Variants in DPP8 observed in about 807,000 individuals in gnomAD.
The protein encoded by DPP8 is DPP VIII.
A neutral mutation model predicts 107.5 loss-of-function variants in DPP8; 31 were observed. That is an observed-to-expected ratio of 0.29 (90% confidence interval 0.22 to 0.39). The LOEUF (loss-of-function observed/expected upper bound fraction) is 0.39, where lower values mean the gene tolerates loss of function less well. Among genes scored for constraint, DPP8 ranks in the 10% least tolerant of loss-of-function variants. The pLI is 1.00. For synonymous variants in DPP8, 381 were observed against 356.6 expected, an observed-to-expected ratio of 1.07 and a Z score of -0.77; for missense variants, 842 against 1,076.1, an observed-to-expected ratio of 0.78 and a Z score of 3.04.
chr15:65,482,938 T>C (rs1217733263), intron 8 of DPP8, among the ~76,000 whole-genome samples: 3 of 150,900 alleles, frequency 2.0e-5, no homozygotes, highest in Non-Finnish European at 4.4e-5. Flanking sequence ...CTACTAAAAA[T>C]ATAAAAAAAT....
At chr15:65,463,991 G>T in intron 14 of DPP8, 85 bp from the exon 15 acceptor site, 1 of 1,076,498 alleles carries the variant, frequency 9.3e-7, no homozygotes, top group Non-Finnish European at 1.3e-6. Context: ...GATATTAAAA[G>T]TCAGCCCCGC....
chr15:65,461,576 T>C (rs929329839), intron 15 of DPP8, among the ~76,000 whole-genome samples: 8 of 151,640 alleles, frequency 5.3e-5, no homozygotes, highest in African/African-American at 1.9e-4. Context: ...GAGTGTCCTA[T>C]GATTTTTCTC....
At chr15:65,480,543 C>A in intron 9 of DPP8, 144 bp from the exon 10 acceptor site, 1 of 526,856 alleles carries the variant, frequency 1.9e-6, no homozygotes, top group Non-Finnish European at 3.3e-6. Flanking sequence ...TTATCACTTA[C>A]AAATAGTTAA....
intron 19 of DPP8, 173 bp downstream of exon 19, chr15:65,450,826 G>T: frequency 1.9e-6 from 1 of 515,666 alleles, no homozygotes; most frequent in Non-Finnish European, 3.4e-6. Flanking sequence ...GACTGCAACA[G>T]AATCTTAATT....
intron 19 of DPP8, among the ~76,000 whole-genome samples, chr15:65,448,384 A>G (rs1250661412): frequency 6.6e-6 from 1 of 151,850 alleles, no homozygotes; most frequent in African/African-American, 2.4e-5. Flanking sequence ...TTTTAAAAAT[A>G]TATTTAGGCT....
chr15:65,509,147 A>G (rs1332925163), intron 2 of DPP8, among the ~76,000 whole-genome samples: 1 of 152,154 alleles, frequency 6.6e-6, no homozygotes, highest in East Asian at 1.9e-4. Flanking sequence ...GCTGACATTT[A>G]CTTCAGCACT....
chr15:65,474,363 C>T (rs980989340), intron 11 of DPP8, 75 bp from the exon 12 acceptor site: 6 of 1,130,644 alleles, frequency 5.3e-6, no homozygotes, highest in Non-Finnish European at 6.6e-6. Flanking sequence ...GAACAGTACT[C>T]TAAGCTCTTT....
At chr15:65,512,624 C>G (rs766786632) in intron 1 of DPP8, 60 bp from the exon 2 acceptor site, 1 of 1,564,158 alleles carries the variant, frequency 6.4e-7, no homozygotes, top group African/African-American at 1.4e-5. Flanking sequence ...CAGAATGATT[C>G]TCTGAGAGGG....
At chr15:65,451,926 A>G in intron 18 of DPP8, 34 bp downstream of exon 18, 1 of 1,521,550 alleles carries the variant, frequency 6.6e-7, no homozygotes, top group Non-Finnish European at 8.8e-7. Context: ...CCCTGTCTCA[A>G]TTTAAAAAAA....
intron 11 of DPP8, among the ~76,000 whole-genome samples, chr15:65,476,635 G>A (rs1303683926): frequency 1.3e-5 from 2 of 152,082 alleles, no homozygotes; most frequent in East Asian, 3.8e-4. Flanking sequence ...CAGTATGGTA[G>A]CCCCTCAAAA....
At chr15:65,457,369 A>G (rs2064521082) in intron 15 of DPP8, among the ~76,000 whole-genome samples, 1 of 152,002 alleles carries the variant, frequency 6.6e-6, no homozygotes. Flanking sequence ...AAACAAACAA[A>G]AAAAGTCATA....
At chr15:65,475,490 A>G in intron 11 of DPP8, 3 of 1,505,846 alleles carry the variant, frequency 2.0e-6, no homozygotes, top group Non-Finnish European at 2.8e-6. Context: ...TCTCACTCCC[A>G]CATAGGCCAT....
intron 1 of DPP8, chr15:65,515,581 G>A: frequency 7.6e-7 from 1 of 1,308,010 alleles, no homozygotes; most frequent in East Asian, 2.3e-5. Context: ...TAGGGTCAGT[G>A]TACCTTCTCA....
intron 14 of DPP8, among the ~76,000 whole-genome samples, chr15:65,465,845 C>A (rs956144187): frequency 3.3e-5 from 5 of 152,062 alleles, no homozygotes; most frequent in African/African-American, 1.2e-4. Context: ...TGTGAGCCAC[C>A]ACGCCCAGCC....
chr15:65,468,076 A>G (rs2065517226), intron 12 of DPP8, among the ~76,000 whole-genome samples: 1 of 152,194 alleles, frequency 6.6e-6, no homozygotes, highest in African/African-American at 2.4e-5. Context: ...TCAGAACTCA[A>G]AAAAACCGCA....
intron 1 of DPP8, chr15:65,512,954 C>T (rs1225975133): frequency 1.1e-5 from 2 of 179,348 alleles, no homozygotes; most frequent in East Asian, 3.1e-4. Context: ...GCCAAGGAAG[C>T]TAAGTGTTTT....
intron 3 of DPP8, among the ~76,000 whole-genome samples, chr15:65,506,608 G>A (rs1331865378): frequency 1.4e-5 from 2 of 144,866 alleles, no homozygotes; most frequent in African/African-American, 2.5e-5. Context: ...ATATATATAT[G>A]TAAACATATA....
At chr15:65,502,415 T>C (rs1476463766) in intron 3 of DPP8, among the ~76,000 whole-genome samples, 2 of 152,090 alleles carry the variant, frequency 1.3e-5, no homozygotes, top group East Asian at 1.9e-4. Context: ...TGGTGGCTCA[T>C]GCCTGTAATC....
chr15:65,480,154 GC>G, intron 10 of DPP8, 67 bp downstream of exon 10: 1 of 1,393,924 alleles, frequency 7.2e-7, no homozygotes, highest in Non-Finnish European at 9.8e-7. Flanking sequence ...TTGATAGTTT[GC>G]TATATAACTT....
Sources: gnomAD v4.1 joint callset for allele counts (sites outside exome capture counted in the v4.1 genomes callset) on GRCh38, gnomAD v4.1.1 for gene constraint, MANE v1.5 for transcripts, NCBI Gene and HGNC (gene_info 2026-07-23, HGNC 2026-07-21) for gene names.